Variants in SLC4A7 observed in about 807,000 individuals in gnomAD.
SLC4A7 encodes sodium bicarbonate cotransporter 3.
Under a neutral mutation model 137.6 loss-of-function variants are expected in SLC4A7, and 51 were observed. The ratio of observed to expected loss-of-function variants is 0.37; its 90% CI spans 0.30 to 0.47. The LOEUF is 0.47. SLC4A7 is among the 20% of genes least tolerant of loss of function. The pLI is 1.00. For missense variants in SLC4A7, 1,247 were observed against 1,525.4 expected (o/e 0.82, Z 3.04); for synonymous variants, 542 against 518.6 (o/e 1.05, Z -0.61).
intron 12 of SLC4A7, among the ~76,000 whole-genome samples, chr3:27,410,946 C>T (rs1270070514): frequency 2.0e-5 from 3 of 151,258 alleles, no homozygotes; most frequent in Non-Finnish European, 4.4e-5. Context: ...TATAAGATTC[C>T]CTGTTTTTTT....
At chr3:27,399,582 G>C (rs2052546492) in intron 16 of SLC4A7, among the ~76,000 whole-genome samples, 2 of 152,080 alleles carry the variant, frequency 1.3e-5, no homozygotes, top group African/African-American at 2.4e-5. Flanking sequence ...ACAGGCGCGA[G>C]TCACCATACC....
chr3:27,466,083 A>G (rs754426167), intron 1 of SLC4A7, among the ~76,000 whole-genome samples: 1 of 152,168 alleles, frequency 6.6e-6, no homozygotes, highest in Non-Finnish European at 1.5e-5. Context: ...GGAACATAAT[A>G]CAGGAATGTA....
chr3:27,392,753 G>A (rs932359347), intron 20 of SLC4A7, among the ~76,000 whole-genome samples: 7 of 152,070 alleles, frequency 4.6e-5, no homozygotes, highest in African/African-American at 1.7e-4. Context: ...TTGAACCCAG[G>A]AGGCAGAGGT....
At position 27,484,143 on chromosome 3, in the gene SLC4A7, C is replaced by T. The variant is rs1057016217; in HGVS notation, c.-17G>A. The T allele has an allele frequency of 2.9e-6, 4 of 1,361,198 alleles. No homozygotes were observed. The highest frequency in any genetic ancestry group is 1.5e-5 in the African/African-American group (1 of 66,328). The allele number at this position is 1,361,198 out of a possible 1,614,324, so 84.3% of individuals were successfully genotyped here. On this transcript the variant is annotated 5_prime_UTR_variant, in exon 1 of 26. Coordinates refer to ENST00000454389, the MANE Select transcript of SLC4A7 (RefSeq NM_001321103.2). ...AGCCTCCATGGCCGGCCGGCCAGCC[C>T]GTGACGGCCGCTACGGTACTGCCCC...
intron 1 of SLC4A7, among the ~76,000 whole-genome samples, chr3:27,459,293 C>T (rs1168687258): frequency 1.3e-5 from 2 of 152,142 alleles, no homozygotes; most frequent in Admixed American, 6.5e-5. Context: ...ACTTCTCCAA[C>T]GTTTCCCATT....
At chr3:27,477,723 TC>T (rs2059523305) in intron 1 of SLC4A7, among the ~76,000 whole-genome samples, 1 of 152,086 alleles carries the variant, frequency 6.6e-6, no homozygotes, top group African/African-American at 2.4e-5. Flanking sequence ...TCCCGCCTCA[TC>T]CTGCCTCAGC....
In SLC4A7 at chr3:27,376,141, T is replaced by C. The variant is rs1156532930; in HGVS notation, c.*623A>G. 2.6e-5 allele frequency: 4 copies of C among 152,190 alleles called. No individual in the cohort carries two copies. The highest frequency in any genetic ancestry group is 4.1e-4 in the South Asian group (2 of 4,828). 9.4% of individuals were successfully genotyped at this position (152,190 alleles called of 1,614,324 possible). ...GTCTGTCACAATGGATACCTAGATA[T>C]GAAGGTTTTAAGATTTAAAAAAAAT... On this transcript the variant is annotated 3_prime_UTR_variant, in exon 26 of 26. Transcript: ENST00000454389.
rs868819071 is a variant in SLC4A7 at position 27,466,223 on chromosome 3, G to A, written c.61-13725C>T. 5.3e-5 allele frequency among the ~76,000 whole-genome samples: 8 copies of A among 151,154 alleles called. No homozygotes were observed. The South Asian group carries it at 1.3e-3, about 24-fold the overall frequency. Reference sequence around the variant, plus strand: ...TCCCAGCACTTTGGGAGGCCGAGGCGGGCGGATCACGAGGTCAGGAGATCG... The same window carrying A: ...TCCCAGCACTTTGGGAGGCCGAGGCAGGCGGATCACGAGGTCAGGAGATCG... On this transcript the variant is annotated intron_variant, in intron 1 of 25. Coordinates refer to ENST00000454389, the MANE Select transcript of SLC4A7 (RefSeq NM_001321103.2).
At chr3:27,472,384 T>C (rs1392275882) in intron 1 of SLC4A7, among the ~76,000 whole-genome samples, 1 of 152,080 alleles carries the variant, frequency 6.6e-6, no homozygotes, top group Non-Finnish European at 1.5e-5. Context: ...GGTCAGAAGT[T>C]CAAGAACAGC....
At chr3:27,404,801 T>A (rs746815936) in intron 14 of SLC4A7, 29 bp downstream of exon 14, 4 of 1,512,348 alleles carry the variant, frequency 2.6e-6, no homozygotes, top group Non-Finnish European at 2.7e-6. Flanking sequence ...ATATAACACA[T>A]GTGATAAGTA....
At chr3:27,390,937 C>T (rs1171389308) in intron 21 of SLC4A7, among the ~76,000 whole-genome samples, 1 of 152,040 alleles carries the variant, frequency 6.6e-6, no homozygotes, top group African/African-American at 2.4e-5. Flanking sequence ...AATCCGTCTA[C>T]CTCAGCCTCC....
Position 27,379,798 on chromosome 3 carries a change from G to A in SLC4A7, c.3591-442C>T, listed in dbSNP as rs577300502. The stretch of plus-strand genomic sequence containing the variant: ...TCAAATAAATACTCAAAGTATGTAA[G>A]GAAAACTTAAGATTATGATTTTTAA... On this transcript the variant is annotated intron_variant, in intron 24 of 25. Transcript: ENST00000454389. Among the ~76,000 whole-genome samples the A allele has an allele frequency of 9.2e-5, 14 of 152,178 alleles. No individual in the cohort carries two copies. The South Asian group carries it at 1.2e-3, about 14-fold the overall frequency.
At chr3:27,471,380 T>C (rs2059239587) in intron 1 of SLC4A7, among the ~76,000 whole-genome samples, 5 of 152,186 alleles carry the variant, frequency 3.3e-5, no homozygotes, top group Admixed American at 3.3e-4. Context: ...CCCATAGCTA[T>C]TCAGATTGGA....
At chr3:27,464,413 A>G (rs1387060571) in intron 1 of SLC4A7, among the ~76,000 whole-genome samples, 1 of 152,174 alleles carries the variant, frequency 6.6e-6, no homozygotes, top group Non-Finnish European at 1.5e-5. Context: ...CCATTCTTCA[A>G]AACCACAATC....
At chr3:27,482,773 AAATAAT>A (rs146284429) in intron 1 of SLC4A7, among the ~76,000 whole-genome samples, 1 of 151,788 alleles carries the variant, frequency 6.6e-6, no homozygotes, top group African/African-American at 2.4e-5. Flanking sequence ...CTCTGTCTCA[AAATAAT>A]AATAATAATA....
chr3:27,475,259 C>CA (rs1485772105), intron 1 of SLC4A7, among the ~76,000 whole-genome samples: 1 of 151,524 alleles, frequency 6.6e-6, no homozygotes, highest in East Asian at 1.9e-4. Context: ...TCCATAAGAA[C>CA]ACAGGCTGAT....
intron 2 of SLC4A7, among the ~76,000 whole-genome samples, chr3:27,451,009 A>G (rs2058039183): frequency 6.6e-6 from 1 of 152,052 alleles, no homozygotes; most frequent in African/African-American, 2.4e-5. Flanking sequence ...TTGAATTAGT[A>G]AAATTACCGC....
At chr3:27,410,729 C>T (rs1488568594) in intron 12 of SLC4A7, among the ~76,000 whole-genome samples, 1 of 152,100 alleles carries the variant, frequency 6.6e-6, no homozygotes, top group Non-Finnish European at 1.5e-5. Context: ...TATGAAGAAG[C>T]GATAATAGCT....
chr3:27,405,466 TTATC>T (rs1446739227), intron 13 of SLC4A7, among the ~76,000 whole-genome samples: 1 of 152,186 alleles, frequency 6.6e-6, no homozygotes, highest in African/African-American at 2.4e-5. Flanking sequence ...GGCTTCAACT[TTATC>T]TATATATGTT....
Sources: allele counts gnomAD v4.1 joint callset (sites outside exome capture counted in the v4.1 genomes callset), GRCh38; gene constraint gnomAD v4.1.1; transcripts MANE v1.5; gene names NCBI Gene and HGNC (gene_info 2026-07-23, HGNC 2026-07-21).